ZYG11B: variants seen among roughly 807,000 people sequenced by gnomAD.
ZYG11B encodes the protein protein zyg-11 homolog B.
Under a neutral mutation model 82.4 loss-of-function variants are expected in ZYG11B, and 36 were observed. The ratio of observed to expected loss-of-function variants is 0.44; its 90% CI spans 0.33 to 0.58. The LOEUF is 0.58. ZYG11B is among the 20% of genes least tolerant of loss of function. The pLI, the probability that ZYG11B is intolerant of heterozygous loss-of-function variation, is 0.02. For synonymous variants in ZYG11B, 303 were observed against 312.8 expected (o/e 0.97, Z 0.33); for missense variants, 552 against 895.6 (o/e 0.62, Z 4.90).
Position 52,771,123 on chromosome 1 carries a change from A to G in ZYG11B, c.300A>G (p.Lys100=), listed in dbSNP as rs1411894797. Residue 100 remains lysine, a synonymous_variant, in exon 3 of 14, where the codon AAA becomes AAG. Transcript: ENST00000294353. This position sits in a 1 kb window ranked among gnomAD's most constrained non-coding sequence, Gnocchi z 5.4. ...KAKISAVAFR[K]AFCHHKLVEL... ...AGATCTCTGCTGTTGCTTTCCGGAA[A>G]GCTTTCTGCCACCACAAGTTAGTGG... The G allele has an allele frequency of 1.2e-6, 2 of 1,614,114 alleles. No homozygotes were observed. Among genetic ancestry groups the G allele is most frequent in the African/African-American group, 2.7e-5 (2 of 74,928 alleles).
intron 2 of ZYG11B, among the ~76,000 whole-genome samples, chr1:52,767,019 A>AT (rs1200976909): frequency 6.7e-6 from 1 of 150,214 alleles, no homozygotes; most frequent in African/African-American, 2.4e-5. Context: ...AAAAAAAAAA[A>AT]TTATTTTATT....
intron 12 of ZYG11B, among the ~76,000 whole-genome samples, chr1:52,815,808 G>C (rs1042947892): frequency 6.8e-6 from 1 of 147,696 alleles, no homozygotes; most frequent in Non-Finnish European, 1.5e-5. Context: ...GGTGGCAGGC[G>C]CCTGTAGTCC....
intron 1 of ZYG11B, among the ~76,000 whole-genome samples, chr1:52,746,962 G>A (rs971446257): frequency 1.3e-5 from 2 of 150,738 alleles, no homozygotes; most frequent in Admixed American, 6.7e-5. Context: ...TAAGACAAAG[G>A]GCATGATATT....
intron 1 of ZYG11B, among the ~76,000 whole-genome samples, chr1:52,741,586 A>G (rs1022347481): frequency 6.6e-6 from 1 of 152,132 alleles, no homozygotes; most frequent in African/African-American, 2.4e-5. Flanking sequence ...TTGACTTTTC[A>G]TTTATTCATG....
chr1:52,753,135 C>T (rs891933940), intron 1 of ZYG11B, among the ~76,000 whole-genome samples: 4 of 152,102 alleles, frequency 2.6e-5, no homozygotes, highest in Non-Finnish European at 4.4e-5. Flanking sequence ...TGTGAGCTGC[C>T]GTGCCTGACC....
intron 3 of ZYG11B, among the ~76,000 whole-genome samples, chr1:52,774,618 T>TTTTTC (rs1173795332): frequency 4.1e-4 from 31 of 74,738 alleles, no homozygotes; most frequent in African/African-American, 1.0e-3. Context: ...AATTTTTTTT[T>TTTTTC]TTTTTTTTTT....
At chr1:52,739,278 C>T (rs1338591356) in intron 1 of ZYG11B, among the ~76,000 whole-genome samples, 1 of 152,026 alleles carries the variant, frequency 6.6e-6, no homozygotes, top group African/African-American at 2.4e-5. Flanking sequence ...TGAGCCAGAG[C>T]CACAGTGCCC....
Position 52,817,783 on chromosome 1 carries a change from A to ATATATATATATATG in ZYG11B, c.2044+1167_2044+1168insGTATATATATATAT, listed in dbSNP as rs1253440543. 1.5e-3 allele frequency among the ~76,000 whole-genome samples: 34 copies of ATATATATATATATG among 23,128 alleles called. 1 individual carries two copies. The East Asian group carries it at 0.045, about 30-fold the overall frequency. The allele number at this position is 23,128 out of a possible 152,430, so 15.2% of individuals were successfully genotyped here. A position where few individuals can be genotyped will look rare whatever the true frequency, so the allele number is the denominator to read the frequency against. On this transcript the variant is annotated intron_variant, in intron 13 of 13. Coordinates refer to ENST00000294353, the MANE Select transcript of ZYG11B (RefSeq NM_024646.3). Reference sequence around the variant, plus strand: ...AAAGTGTGTATATATATGTGTATATATATATATATATATATATATATATAT... The same window carrying ATATATATATATATG: ...AAAGTGTGTATATATATGTGTATATATATATATATATATGTATATATATATATATATATATATAT...
chr1:52,740,966 A>G (rs1302983191), intron 1 of ZYG11B, among the ~76,000 whole-genome samples: 2 of 151,736 alleles, frequency 1.3e-5, no homozygotes, highest in Non-Finnish European at 2.9e-5. Context: ...GTAGATGTTT[A>G]TTTCTGGAAG....
At chr1:52,739,507 A>T (rs190262562) in intron 1 of ZYG11B, among the ~76,000 whole-genome samples, 1 of 152,314 alleles carries the variant, frequency 6.6e-6, no homozygotes, top group East Asian at 1.9e-4. Context: ...TTATAGGCTT[A>T]AATTTTGTGT....
At chr1:52,805,236 A>G (rs944616340) in intron 10 of ZYG11B, 1 of 307,568 alleles carries the variant, frequency 3.3e-6, no homozygotes, top group African/African-American at 2.2e-5. Context: ...TCTGCTCTCA[A>G]GGAATTAGAT....
Position 52,825,895 on chromosome 1 carries a change from T to C in ZYG11B, c.*4266T>C, listed in dbSNP as rs745437871. 2.8e-4 allele frequency: 43 copies of C among 152,214 alleles called. No individual in the cohort carries two copies. The highest frequency in any genetic ancestry group is 9.2e-4 in the Admixed American group (14 of 15,264). The allele number at this position is 152,214 out of a possible 1,614,324, so 9.4% of individuals were successfully genotyped here. On this transcript the variant is annotated 3_prime_UTR_variant, in exon 14 of 14. Transcript: ENST00000294353. Reference sequence around the variant, plus strand: ...ATATGTTTAATGAAAACATATTTTATGTGCTAAATTAGGTTAATTTACCAG... The same window carrying C: ...ATATGTTTAATGAAAACATATTTTACGTGCTAAATTAGGTTAATTTACCAG...
intron 12 of ZYG11B, among the ~76,000 whole-genome samples, chr1:52,816,014 ATAAT>A (rs577619609): frequency 4.4e-4 from 67 of 152,326 alleles, no homozygotes; most frequent in African/African-American, 1.4e-3. Flanking sequence ...AGATAACTTG[ATAAT>A]TAAATTACTA....
chr1:52,821,433 T>C lies in ZYG11B; in HGVS notation c.2045-6T>C, dbSNP rs781423912. 2 of 1,511,442 alleles carry C rather than the reference T, an allele frequency of 1.3e-6. No homozygotes were observed. Among genetic ancestry groups the C allele is most frequent in the Non-Finnish European group, 1.8e-6 (2 of 1,124,968 alleles). 93.6% of individuals were successfully genotyped at this position (1,511,442 alleles called of 1,614,324 possible). ...TGTTTTGTGTGTGTTTTTTTTTCTTTTTCAGCTTCAAGGTATTGCAGCATG... is the reference window on the plus strand; with the variant it reads ...TGTTTTGTGTGTGTTTTTTTTTCTTCTTCAGCTTCAAGGTATTGCAGCATG... On this transcript the variant is annotated splice_region_variant and splice_polypyrimidine_tract_variant and intron_variant, in intron 13 of 13. Transcript: ENST00000294353.
At chr1:52,809,387 A>G (rs1368121303) in intron 10 of ZYG11B, among the ~76,000 whole-genome samples, 3 of 152,074 alleles carry the variant, frequency 2.0e-5, no homozygotes, top group Non-Finnish European at 4.4e-5. Flanking sequence ...CTATGATTTT[A>G]ACTCCTTAAC....
chr1:52,820,423 G>T (rs1462404906), intron 13 of ZYG11B, among the ~76,000 whole-genome samples: 2 of 151,796 alleles, frequency 1.3e-5, no homozygotes, highest in East Asian at 3.9e-4. Context: ...GAGGCAGGCA[G>T]ATCACTTAAG....
At chr1:52,731,626 A>T (rs1470592192) in intron 1 of ZYG11B, among the ~76,000 whole-genome samples, 1 of 152,180 alleles carries the variant, frequency 6.6e-6, no homozygotes, top group Non-Finnish European at 1.5e-5. Context: ...TGAAAAAAAG[A>T]CATGGGGTAC....
Position 52,803,297 on chromosome 1 carries a change from T to TACAC in ZYG11B, c.1695+1160_1695+1163dup, listed in dbSNP as rs201447963. 2.5e-4 allele frequency among the ~76,000 whole-genome samples: 29 copies of TACAC among 115,200 alleles called. 1 individual carries two copies. The highest frequency in any genetic ancestry group is 3.8e-4 in the Non-Finnish European group (21 of 55,774). The allele number at this position is 115,200 out of a possible 152,430, so 75.6% of individuals were successfully genotyped here. A position where few individuals can be genotyped will look rare whatever the true frequency, so the allele number is the denominator to read the frequency against. On this transcript the variant is annotated intron_variant, in intron 10 of 13. Transcript: ENST00000294353. ...ACACACACATATATATATATATATA[T>TACAC]ACACATATATATACATATAATCCCA...
rs1357479372 is a variant in ZYG11B at position 52,797,054 on chromosome 1, TTA to T, written c.1485+278_1485+279del. ...ATTTATATATATAAATTTTTATATA[TTA>T]TATATATTTATATATTATATATTGT... On this transcript the variant is annotated intron_variant, in intron 8 of 13. Coordinates refer to ENST00000294353, the MANE Select transcript of ZYG11B (RefSeq NM_024646.3). 8.2e-5 allele frequency among the ~76,000 whole-genome samples: 7 copies of T among 85,198 alleles called. No homozygotes were observed. The Admixed American group carries it at 8.3e-4, about 10-fold the overall frequency. 55.9% of individuals were successfully genotyped at this position (85,198 alleles called of 152,430 possible).
Sources: allele counts gnomAD v4.1 joint callset (sites outside exome capture counted in the v4.1 genomes callset), GRCh38; gene constraint gnomAD v4.1.1; non-coding constraint Gnocchi (gnomAD v3.1); transcripts MANE v1.5; gene names NCBI Gene and HGNC (gene_info 2026-07-23, HGNC 2026-07-21).